Variants in SLC30A8 observed in about 807,000 individuals in gnomAD.
SLC30A8 encodes solute carrier family 30 member 8.
A neutral mutation model predicts 36.9 loss-of-function variants in SLC30A8; 27 were observed. That is an observed-to-expected ratio of 0.73 (90% CI 0.54 to 1.01). The LOEUF (loss-of-function observed/expected upper bound fraction) is 1.01. Among genes scored for constraint, SLC30A8 ranks in the 50% least tolerant of loss-of-function variants. SLC30A8 has a pLI of 0.00. For synonymous variants in SLC30A8, 164 were observed against 172.4 expected, an observed-to-expected ratio of 0.95 and a Z score of 0.38; for missense variants, 439 against 452.0, an observed-to-expected ratio of 0.97 and a Z score of 0.26.
intron 1 of SLC30A8, among the ~76,000 whole-genome samples, chr8:116,957,914 C>T (rs1269692808): frequency 6.6e-6 from 1 of 152,152 alleles, no homozygotes; most frequent in African/African-American, 2.4e-5. Flanking sequence ...GGTGAACATC[C>T]AGTCTACAGC....
intron 2 of SLC30A8, among the ~76,000 whole-genome samples, chr8:117,056,531 T>TTTTC (rs59311028): frequency 0.34 from 52,157 of 151,454 alleles, 10,249 homozygotes; most frequent in African/African-American, 0.55. Flanking sequence ...GGATTTCTCT[T>TTTTC]TTTCTTTCTT....
intron 2 of SLC30A8, among the ~76,000 whole-genome samples, chr8:117,050,408 CTTT>C (rs35839871): frequency 3.1e-4 from 45 of 143,922 alleles, no homozygotes; most frequent in Admixed American, 4.2e-4. Context: ...TGATTTCTTT[CTTT>C]TTTTTTTTTT....
At chr8:117,112,160 T>G (rs899698973) in intron 2 of SLC30A8, among the ~76,000 whole-genome samples, 1 of 152,156 alleles carries the variant, frequency 6.6e-6, no homozygotes, top group African/African-American at 2.4e-5. Flanking sequence ...TATCACCTCA[T>G]GGGTTCATTG....
At chr8:117,119,827 C>T (rs1028597509) in intron 2 of SLC30A8, among the ~76,000 whole-genome samples, 1 of 151,832 alleles carries the variant, frequency 6.6e-6, no homozygotes, top group African/African-American at 2.4e-5. Flanking sequence ...TGTTTCTATA[C>T]ATCTATACAC....
chr8:117,141,637 C>T (rs2130950910), intron 1 of SLC30A8, among the ~76,000 whole-genome samples: 1 of 152,164 alleles, frequency 6.6e-6, no homozygotes, highest in South Asian at 2.1e-4. Context: ...GATTTTGAAG[C>T]ACCCATCACC....
At chr8:117,019,119 ACT>A (rs1475255771) in intron 1 of SLC30A8, among the ~76,000 whole-genome samples, 9 of 152,206 alleles carry the variant, frequency 5.9e-5, no homozygotes, top group East Asian at 1.9e-4. Context: ...AAGTTTTCAG[ACT>A]CTCTATTGAG....
At chr8:116,971,791 A>G (rs755176625) in intron 1 of SLC30A8, among the ~76,000 whole-genome samples, 35 of 152,206 alleles carry the variant, frequency 2.3e-4, no homozygotes, top group Non-Finnish European at 3.7e-4. Flanking sequence ...TAGCACTGCA[A>G]CTGTAATAAT....
chr8:117,168,725 A>G (rs961931449), intron 6 of SLC30A8, among the ~76,000 whole-genome samples: 1 of 152,208 alleles, frequency 6.6e-6, no homozygotes, highest in East Asian at 1.9e-4. Flanking sequence ...AATGGTCAAC[A>G]GAACTTCCCC....
rs568845797 is a variant in SLC30A8 at position 117,171,069 on chromosome 8, G to A, written c.865G>A (p.Glu289Lys). ...PKSLNYSGVK[E>K]LILAVDGVLS... The stretch of plus-strand genomic sequence containing the variant: ...GAGCCTGAATTACAGTGGTGTGAAA[G>A]AGCTTATTTTAGCAGTCGACGGGGT... The change falls in exon 7 of 8, where the codon GAG becomes AAG. Residue 289 changes from glutamate to lysine, a missense_variant. Physicochemically the swap from Glu to Lys is moderately conservative, Grantham distance 56 (BLOSUM62 1). Transcript: ENST00000456015. 53 of 1,611,246 alleles carry A rather than the reference G, an allele frequency of 3.3e-5. No individual in the cohort carries two copies. In the South Asian group the frequency reaches 4.9e-4, roughly 15 times the overall value.
chr8:117,002,219 A>T (rs1397605981), intron 1 of SLC30A8, among the ~76,000 whole-genome samples: 1 of 152,232 alleles, frequency 6.6e-6, no homozygotes, highest in Non-Finnish European at 1.5e-5. Context: ...GCTTTTTCAG[A>T]GTCAATTCCT....
At chr8:117,088,715 A>G (rs1303054279) in intron 2 of SLC30A8, among the ~76,000 whole-genome samples, 4 of 152,222 alleles carry the variant, frequency 2.6e-5, no homozygotes, top group African/African-American at 9.6e-5. Flanking sequence ...CCTTTAGGTA[A>G]TACACATGTT....
intron 1 of SLC30A8, among the ~76,000 whole-genome samples, chr8:117,000,181 T>C (rs1815964342): frequency 6.6e-6 from 1 of 152,232 alleles, no homozygotes; most frequent in Non-Finnish European, 1.5e-5. Flanking sequence ...GGATAACAGT[T>C]CTTATTTCTT....
intron 4 of SLC30A8, among the ~76,000 whole-genome samples, chr8:117,159,375 G>A (rs1822663058): frequency 6.6e-6 from 1 of 152,150 alleles, no homozygotes; most frequent in South Asian, 2.1e-4. Flanking sequence ...ATTTTAAGAG[G>A]GGGCACAATG....
chr8:117,134,721 T>G (rs1412668887), upstream of SLC30A8: 1 of 152,060 alleles, frequency 6.6e-6, no homozygotes, highest in Non-Finnish European at 1.5e-5. Context: ...AGAACTGTTT[T>G]CAGATTACTG....
chr8:117,020,995 A>G (rs1816679560), intron 1 of SLC30A8, among the ~76,000 whole-genome samples: 1 of 152,194 alleles, frequency 6.6e-6, no homozygotes, highest in Non-Finnish European at 1.5e-5. Context: ...AAAGACTTTA[A>G]AAAGAGGGTC....
At chr8:117,069,294 G>T (rs141780011) in intron 2 of SLC30A8, among the ~76,000 whole-genome samples, 3 of 152,134 alleles carry the variant, frequency 2.0e-5, no homozygotes, top group Non-Finnish European at 4.4e-5. Flanking sequence ...AAAGTATATC[G>T]TGGTGTTCCA....
chr8:117,094,564 A>G (rs1042543854), intron 2 of SLC30A8, among the ~76,000 whole-genome samples: 104 of 152,134 alleles, frequency 6.8e-4, no homozygotes, highest in East Asian at 3.9e-4. Flanking sequence ...GCTGAGTTGG[A>G]GCTTTTATGG....
At chr8:117,160,226 C>CT (rs1404024111) in intron 4 of SLC30A8, among the ~76,000 whole-genome samples, 2 of 152,226 alleles carry the variant, frequency 1.3e-5, no homozygotes, top group Non-Finnish European at 2.9e-5. Flanking sequence ...TAAATACAGC[C>CT]TTAAGGCTAT....
At chr8:117,061,188 A>G (rs770300317) in intron 2 of SLC30A8, among the ~76,000 whole-genome samples, 7 of 152,236 alleles carry the variant, frequency 4.6e-5, no homozygotes, top group African/African-American at 1.7e-4. Flanking sequence ...GATTCTCACT[A>G]TGACTCTAGT....
Sources: allele counts gnomAD v4.1 joint callset (sites outside exome capture counted in the v4.1 genomes callset), GRCh38; gene constraint gnomAD v4.1.1; transcripts MANE v1.5; gene names NCBI Gene and HGNC (gene_info 2026-07-23, HGNC 2026-07-21).